CADM2: variants seen among roughly 807,000 people sequenced by gnomAD.
The protein encoded by CADM2 is cell adhesion molecule 2.
A neutral mutation model predicts 49.8 loss-of-function variants in CADM2; 12 were observed. The ratio of observed to expected loss-of-function variants is 0.24; its 90% confidence interval spans 0.15 to 0.39. The LOEUF is 0.39. CADM2 is among the 10% of genes least tolerant of loss of function. The pLI is 1.00. For synonymous variants in CADM2, 214 were observed against 175.4 expected, an observed-to-expected ratio of 1.22 and a Z score of -1.74; for missense variants, 378 against 492.3, an observed-to-expected ratio of 0.77 and a Z score of 2.20.
intron 1 of CADM2, among the ~76,000 whole-genome samples, chr3:85,711,001 A>G (rs2067100549): frequency 2.0e-5 from 3 of 152,200 alleles, no homozygotes; most frequent in Admixed American, 6.5e-5. Flanking sequence ...ATTTGGTTAC[A>G]ATTTGACTAT....
At chr3:85,845,018 G>A (rs746422285) in intron 3 of CADM2, among the ~76,000 whole-genome samples, 1 of 151,718 alleles carries the variant, frequency 6.6e-6, no homozygotes, top group Admixed American at 6.6e-5. Context: ...AGCCAGGCAC[G>A]TTGGTATGCA....
At chr3:85,509,566 C>A (rs1314818326) in intron 1 of CADM2, among the ~76,000 whole-genome samples, 1 of 152,010 alleles carries the variant, frequency 6.6e-6, no homozygotes, top group Non-Finnish European at 1.5e-5. Context: ...AAATATTATA[C>A]CTCATGTCTG....
intron 8 of CADM2, among the ~76,000 whole-genome samples, chr3:85,965,143 T>C (rs1050131084): frequency 1.3e-5 from 2 of 151,298 alleles, no homozygotes; most frequent in Non-Finnish European, 3.0e-5. Context: ...TGACACAAAA[T>C]AGAAGAGTTA....
intron 2 of CADM2, among the ~76,000 whole-genome samples, chr3:85,750,134 C>T (rs1286974246): frequency 2.0e-5 from 3 of 151,846 alleles, no homozygotes; most frequent in Admixed American, 1.3e-4. Context: ...TTTTTGTATC[C>T]CATATCTTTC....
intron 1 of CADM2, among the ~76,000 whole-genome samples, chr3:85,518,103 T>TTCAA (rs2060946194): frequency 6.6e-6 from 1 of 151,904 alleles, no homozygotes; most frequent in African/African-American, 2.4e-5. Flanking sequence ...GCCTCCCGGG[T>TTCAA]TCAAGCAATT....
At chr3:85,291,944 C>A (rs1244475803) in intron 1 of CADM2, among the ~76,000 whole-genome samples, 6 of 151,752 alleles carry the variant, frequency 4.0e-5, no homozygotes, top group Non-Finnish European at 5.9e-5. Flanking sequence ...AACAATATTA[C>A]CTTTAAATGT....
chr3:85,446,024 A>AT (rs2037434072), intron 1 of CADM2, among the ~76,000 whole-genome samples: 1 of 152,136 alleles, frequency 6.6e-6, no homozygotes, highest in African/African-American at 2.4e-5. Context: ...GGCGAGGTGT[A>AT]TGTACACTAG....
intron 3 of CADM2, among the ~76,000 whole-genome samples, chr3:85,825,407 C>T (rs977004930): frequency 6.6e-6 from 1 of 152,052 alleles, no homozygotes; most frequent in African/African-American, 2.4e-5. Context: ...TCAAAACGTG[C>T]AGCCACTACC....
intron 1 of CADM2, among the ~76,000 whole-genome samples, chr3:85,719,691 G>C (rs916866145): frequency 6.6e-6 from 1 of 151,410 alleles, no homozygotes; most frequent in African/African-American, 2.5e-5. Flanking sequence ...CTATCTCAGG[G>C]ATGGCAGAGG....
chr3:85,143,299 A>G (rs185243915), intron 1 of CADM2, among the ~76,000 whole-genome samples: 9 of 152,262 alleles, frequency 5.9e-5, no homozygotes, highest in Admixed American at 5.9e-4. Flanking sequence ...CCTGTGCAAC[A>G]TAGTGAGTCC....
chr3:85,885,498 C>G (rs1455670592), intron 4 of CADM2, among the ~76,000 whole-genome samples: 16 of 151,762 alleles, frequency 1.1e-4, no homozygotes, highest in Non-Finnish European at 1.8e-4. Context: ...TGGAGAACCA[C>G]CCCCACCTCC....
At chr3:85,846,166 T>C (rs1157708487) in intron 3 of CADM2, among the ~76,000 whole-genome samples, 3 of 152,212 alleles carry the variant, frequency 2.0e-5, no homozygotes, top group Non-Finnish European at 2.9e-5. Flanking sequence ...CACAGGGTCA[T>C]AAGAATAGAA....
intron 1 of CADM2, among the ~76,000 whole-genome samples, chr3:85,071,942 A>C (rs1388258247): frequency 6.6e-6 from 1 of 151,002 alleles, no homozygotes; most frequent in African/African-American, 2.4e-5. Context: ...GCATAGGATT[A>C]TATTTTCTTC....
chr3:85,076,339 G>GTGTGTGTGTGTGT (rs1553679923), intron 1 of CADM2, among the ~76,000 whole-genome samples: 1 of 106,156 alleles, frequency 9.4e-6, no homozygotes, highest in Non-Finnish European at 2.1e-5. Context: ...GTGTGTGTGT[G>GTGTGTGTGTGTGT]GTGTGGTGTG....
At chr3:85,815,775 G>T (rs2073167763) in intron 3 of CADM2, among the ~76,000 whole-genome samples, 1 of 152,076 alleles carries the variant, frequency 6.6e-6, no homozygotes. Flanking sequence ...GACATAAAGG[G>T]TATTCAGTTA....
chr3:85,286,197 G>T (rs1204252085), intron 1 of CADM2, among the ~76,000 whole-genome samples: 1 of 152,140 alleles, frequency 6.6e-6, no homozygotes, highest in Non-Finnish European at 1.5e-5. Context: ...TCTGGGACCG[G>T]AGCTGATCTA....
chr3:85,184,753 T>C (rs1184420003), intron 1 of CADM2, among the ~76,000 whole-genome samples: 4 of 152,136 alleles, frequency 2.6e-5, no homozygotes, highest in Non-Finnish European at 5.9e-5. Context: ...AAGCTTATTG[T>C]ATAGATAGGA....
intron 2 of CADM2, among the ~76,000 whole-genome samples, chr3:85,737,703 G>A (rs764047659): frequency 2.0e-5 from 3 of 151,614 alleles, no homozygotes; most frequent in East Asian, 2.0e-4. Context: ...GACTACAGGC[G>A]CCCACCACCA....
chr3:85,658,094 G>A (rs2065267918), intron 1 of CADM2, among the ~76,000 whole-genome samples: 1 of 152,014 alleles, frequency 6.6e-6, no homozygotes, highest in African/African-American at 2.4e-5. Context: ...GTTAAGATAT[G>A]TGGTTTGGAT....
Sources: allele counts gnomAD v4.1 joint callset (sites outside exome capture counted in the v4.1 genomes callset), GRCh38; gene constraint gnomAD v4.1.1; transcripts MANE v1.5; gene names NCBI Gene and HGNC (gene_info 2026-07-23, HGNC 2026-07-21).